SLC5A1: variants seen among roughly 807,000 people sequenced by gnomAD.
The protein encoded by SLC5A1 is solute carrier family 5 member 1, also known as sodium/glucose cotransporter 1.
A neutral mutation model predicts 73.5 loss-of-function variants in SLC5A1; 42 were observed. The ratio of observed to expected loss-of-function variants is 0.57; its 90% CI spans 0.45 to 0.74. SLC5A1 has a LOEUF of 0.74. Among genes scored for constraint, SLC5A1 ranks in the 30% least tolerant of loss-of-function variants. The pLI is 0.00. For missense variants in SLC5A1, 634 were observed against 855.4 expected (o/e 0.74, Z 3.23); for synonymous variants, 300 against 317.4 (o/e 0.95, Z 0.58).
intron 11 of SLC5A1, 82 bp from the exon 12 acceptor site, chr22:32,099,101 A>AT (rs1372495495): frequency 2.2e-3 from 282 of 130,806 alleles, no homozygotes; most frequent in East Asian, 4.6e-3. Flanking sequence ...AAAAAAAAAA[A>AT]AAAAATATAT....
At chr22:32,109,811 A>T (rs894364316) in intron 14 of SLC5A1, among the ~76,000 whole-genome samples, 179 bp from the exon 15 acceptor site, 1 of 152,194 alleles carries the variant, frequency 6.6e-6, no homozygotes, top group Admixed American at 6.5e-5. Context: ...GTTTGTTGGA[A>T]CATTTTCTAC....
At chr22:32,053,954 C>T (rs1047942112) in intron 2 of SLC5A1, among the ~76,000 whole-genome samples, 2 of 152,120 alleles carry the variant, frequency 1.3e-5, no homozygotes, top group Non-Finnish European at 1.5e-5. Context: ...GCAGGCAGAT[C>T]GCCTGGATTG....
intron 12 of SLC5A1, among the ~76,000 whole-genome samples, chr22:32,100,746 G>A (rs1311716287): frequency 6.6e-6 from 1 of 152,104 alleles, no homozygotes; most frequent in African/African-American, 2.4e-5. Context: ...ATAGTGCATG[G>A]GGGATGAATA....
chr22:32,043,455 G>A lies in SLC5A1; in HGVS notation c.135+39G>A, dbSNP rs765446550. The stretch of plus-strand genomic sequence containing the variant: ...TCTGGGATGCGGGTGGGGAGGGTGC[G>A]CACAGAGGAGGAGCAATGGCCTCGC... On this transcript the variant is annotated intron_variant, in intron 1 of 14. Coordinates refer to ENST00000266088, the MANE Select transcript of SLC5A1 (RefSeq NM_000343.4). The surrounding 1 kb of genome is among the most constrained non-coding windows in gnomAD (Gnocchi z 6.5). 3.7e-6 allele frequency: 6 copies of A among 1,608,748 alleles called. No individual in the cohort carries two copies. Among genetic ancestry groups the A allele is most frequent in the South Asian group, 2.2e-5 (2 of 90,408 alleles).
chr22:32,059,245 T>G, intron 2 of SLC5A1: 1 of 985,370 alleles, frequency 1.0e-6, no homozygotes, highest in Non-Finnish European at 1.2e-6. Context: ...GTGGGCTCTT[T>G]GAAGGCTAGA....
rs2094042210 is a variant in SLC5A1, at chr22:32,104,774, C to A, written c.1666-12C>A. 1 of 1,610,180 alleles carries A rather than the reference C, an allele frequency of 6.2e-7. No individual in the cohort carries two copies. The highest frequency in any genetic ancestry group is 8.5e-7 in the Non-Finnish European group (1 of 1,176,560). On this transcript the variant is annotated splice_polypyrimidine_tract_variant and intron_variant, in intron 13 of 14. Coordinates refer to ENST00000266088, the MANE Select transcript of SLC5A1 (RefSeq NM_000343.4). ...TGGATCTTTCTGTTGACCTGTTCTG[C>A]CTTCTCTGCAGCTCTACCGTCTGTG...
At chr22:32,106,931 A>G (rs1243730491) in intron 14 of SLC5A1, among the ~76,000 whole-genome samples, 4 of 152,198 alleles carry the variant, frequency 2.6e-5, no homozygotes, top group South Asian at 2.1e-4. Context: ...CAGGAACATC[A>G]TAGAATCCTA....
At chr22:32,048,150 TA>T (rs35309167) in intron 1 of SLC5A1, among the ~76,000 whole-genome samples, 4,625 of 96,484 alleles carry the variant, frequency 0.048, 222 homozygotes, top group African/African-American at 0.15. Flanking sequence ...AGACTCCATG[TA>T]AAAAAAAAAA....
At chr22:32,073,211 G>A (rs766052367) in intron 5 of SLC5A1, among the ~76,000 whole-genome samples, 3 of 152,202 alleles carry the variant, frequency 2.0e-5, no homozygotes, top group African/African-American at 4.8e-5. Flanking sequence ...GTTAATTTAT[G>A]TATATGGTAT....
intron 2 of SLC5A1, among the ~76,000 whole-genome samples, chr22:32,065,363 T>C (rs2093971027): frequency 6.6e-6 from 1 of 152,224 alleles, no homozygotes; most frequent in South Asian, 2.1e-4. Context: ...TGGAATGCTA[T>C]TCCTGTGGTC....
At position 32,091,605 on chromosome 22, in the gene SLC5A1, C is replaced by A. The variant is rs779556793; in HGVS notation, c.1130-7C>A. On this transcript the variant is annotated splice_polypyrimidine_tract_variant and splice_region_variant and intron_variant, in intron 10 of 14. Coordinates refer to ENST00000266088, the MANE Select transcript of SLC5A1 (RefSeq NM_000343.4). ...TTATGTGCCACTCAAAAATCCTTCTCTTCCAGGACTGCGAGGCCTGATGCT... is the reference window on the plus strand; with the variant it reads ...TTATGTGCCACTCAAAAATCCTTCTATTCCAGGACTGCGAGGCCTGATGCT... The A allele has an allele frequency of 1.8e-5, 29 of 1,613,960 alleles. No homozygotes were observed. Among genetic ancestry groups the A allele is most frequent in the Admixed American group, 1.7e-4 (10 of 59,992 alleles).
intron 2 of SLC5A1, among the ~76,000 whole-genome samples, chr22:32,052,467 T>G (rs947877998): frequency 7.9e-5 from 12 of 151,908 alleles, no homozygotes; most frequent in African/African-American, 2.9e-4. Context: ...AACACATGGG[T>G]GGGGAGCTCA....
In SLC5A1 at chr22:32,071,893, AT is replaced by A. The variant is rs556969929; in HGVS notation, c.477+3301del. 5.3e-5 allele frequency among the ~76,000 whole-genome samples: 8 copies of A among 152,042 alleles called. No individual in the cohort carries two copies. The South Asian group carries it at 6.2e-4, about 12-fold the overall frequency. On this transcript the variant is annotated intron_variant, in intron 5 of 14. Transcript: ENST00000266088. ...AACAGCAACATTAAATAACATTTGC[AT>A]TTTTTTTATTACGGAAAATTTCAAA...
intron 5 of SLC5A1, among the ~76,000 whole-genome samples, chr22:32,079,071 T>C (rs903577738): frequency 2.0e-5 from 3 of 151,278 alleles, no homozygotes; most frequent in African/African-American, 7.3e-5. Flanking sequence ...AAATAACGCA[T>C]GTGCCTAAAT....
intron 14 of SLC5A1, 31 bp downstream of exon 14, chr22:32,104,922 C>A: frequency 6.8e-7 from 1 of 1,466,432 alleles, no homozygotes. Context: ...GATCCTAAAC[C>A]ATAAAAGTTA....
chr22:32,110,253 TACTC>T lies in SLC5A1; in HGVS notation c.*43_*46del, dbSNP rs757753173. The T allele has an allele frequency of 2.8e-6, 4 of 1,452,742 alleles. No homozygotes were observed. The South Asian group carries it at 3.4e-5, about 12-fold the overall frequency. 90.0% of individuals were successfully genotyped at this position (1,452,742 alleles called of 1,614,324 possible). A position where few individuals can be genotyped will look rare whatever the true frequency, so the allele number is the denominator to read the frequency against. On this transcript the variant is annotated 3_prime_UTR_variant, in exon 15 of 15. Transcript: ENST00000266088. The stretch of plus-strand genomic sequence containing the variant: ...TGTAGATTTACCATGGCTGGACTCT[TACTC>T]ACCTTCCTTTAGTCTCGTCCTGTGG...
chr22:32,095,109 T>C (rs768885881), intron 11 of SLC5A1, among the ~76,000 whole-genome samples: 7 of 152,206 alleles, frequency 4.6e-5, no homozygotes, highest in Non-Finnish European at 8.8e-5. Flanking sequence ...CCAATGATCA[T>C]TCAGGAGCAG....
At chr22:32,068,199 T>TTCC (rs1357139838) in intron 4 of SLC5A1, among the ~76,000 whole-genome samples, 173 bp downstream of exon 4, 2 of 152,116 alleles carry the variant, frequency 1.3e-5, no homozygotes, top group African/African-American at 2.4e-5. Flanking sequence ...TATGGATATA[T>TTCC]TCCTCCTCCT....
chr22:32,089,425 T>G (rs1431740164), intron 10 of SLC5A1, among the ~76,000 whole-genome samples: 1 of 149,540 alleles, frequency 6.7e-6, no homozygotes, highest in East Asian at 1.9e-4. Flanking sequence ...CAAAAAGATC[T>G]CAAGAGGCAT....
Sources: allele counts gnomAD v4.1 joint callset (sites outside exome capture counted in the v4.1 genomes callset), GRCh38; gene constraint gnomAD v4.1.1; non-coding constraint Gnocchi (gnomAD v3.1); transcripts MANE v1.5; gene names NCBI Gene and HGNC (gene_info 2026-07-23, HGNC 2026-07-21).